Variants in UBR3 observed in about 807,000 individuals in gnomAD.
UBR3 encodes ubiquitin protein ligase E3 component n-recognin 3, also known as E3 ubiquitin-protein ligase UBR3.
UBR3 carries 85 observed loss-of-function variants against 243.2 expected under a neutral mutation model. That is an observed-to-expected ratio of 0.35 (90% CI 0.29 to 0.42). The LOEUF (loss-of-function observed/expected upper bound fraction) is 0.42. UBR3 is among the 10% of genes least tolerant of loss of function. The pLI, the probability that UBR3 is intolerant of heterozygous loss-of-function variation, is 1.00. For synonymous variants in UBR3, 748 were observed against 799.8 expected (o/e 0.94, Z 1.09); for missense variants, 1,686 against 2,300.8 (o/e 0.73, Z 5.47).
chr2:169,940,757 A>G (rs1487717763), intron 19 of UBR3, among the ~76,000 whole-genome samples: 1 of 152,104 alleles, frequency 6.6e-6, no homozygotes, highest in African/African-American at 2.4e-5. Flanking sequence ...TGAGGCTGCT[A>G]TTACAGTTGT....
At chr2:170,011,330 A>G (rs1189427829) in intron 29 of UBR3, among the ~76,000 whole-genome samples, 1 of 152,188 alleles carries the variant, frequency 6.6e-6, no homozygotes, top group Non-Finnish European at 1.5e-5. Context: ...AACATATAAC[A>G]TTCCTAAAAG....
intron 20 of UBR3, among the ~76,000 whole-genome samples, chr2:169,942,934 G>A (rs369772716): frequency 2.0e-5 from 3 of 152,176 alleles, no homozygotes; most frequent in Admixed American, 6.5e-5. Context: ...TGTGGAATGA[G>A]CTACAGGGAC....
intron 6 of UBR3, among the ~76,000 whole-genome samples, chr2:169,894,783 C>A (rs1370032582): frequency 6.6e-6 from 1 of 152,146 alleles, no homozygotes; most frequent in Non-Finnish European, 1.5e-5. Flanking sequence ...GATTTTGATG[C>A]GTGTGAGATA....
chr2:170,000,029 G>C (rs2089638248), intron 26 of UBR3, among the ~76,000 whole-genome samples: 1 of 152,082 alleles, frequency 6.6e-6, no homozygotes, highest in African/African-American at 2.4e-5. Flanking sequence ...GGAAGGCTGA[G>C]GCAGGAGAAT....
chr2:169,881,182 A>C (rs1286584458), intron 5 of UBR3, among the ~76,000 whole-genome samples: 1 of 151,630 alleles, frequency 6.6e-6, no homozygotes, highest in Non-Finnish European at 1.5e-5. Context: ...TTTATTTTTT[A>C]TTTATTTATT....
At chr2:170,069,164 A>G (rs140620693) in intron 35 of UBR3, among the ~76,000 whole-genome samples, 193 of 152,300 alleles carry the variant, frequency 1.3e-3, no homozygotes, top group Non-Finnish European at 2.1e-3. Flanking sequence ...TGAATGAGGC[A>G]TTATGAAAAA....
rs569851094 is a variant in UBR3, at chr2:169,863,586, C to G, written c.546-8650C>G. On this transcript the variant is annotated intron_variant, in intron 1 of 38. Coordinates refer to ENST00000272793, the MANE Select transcript of UBR3 (RefSeq NM_172070.4). The stretch of plus-strand genomic sequence containing the variant: ...GCTGCTAATGTGAATGTATTACTTC[C>G]TGCCTTATTTTTAATTTAGAGCTAT... 3.8e-4 allele frequency among the ~76,000 whole-genome samples: 58 copies of G among 152,244 alleles called. No individual in the cohort carries two copies. The South Asian group carries it at 6.2e-3, about 16-fold the overall frequency.
intron 8 of UBR3, among the ~76,000 whole-genome samples, chr2:169,904,541 T>G (rs2084945566): frequency 6.6e-6 from 1 of 152,164 alleles, no homozygotes; most frequent in Admixed American, 6.5e-5. Flanking sequence ...TTGAGGATTT[T>G]TTTTTCAAGG....
chr2:169,862,766 A>G (rs2083135280), intron 1 of UBR3, among the ~76,000 whole-genome samples: 1 of 152,128 alleles, frequency 6.6e-6, no homozygotes. Flanking sequence ...TTTATCCTAA[A>G]TATCTTTTGA....
At chr2:170,023,812 G>A (rs540362715) in intron 30 of UBR3, among the ~76,000 whole-genome samples, 17 of 152,090 alleles carry the variant, frequency 1.1e-4, no homozygotes, top group Non-Finnish European at 1.6e-4. Flanking sequence ...TCCTGAACTC[G>A]TGATCCACCC....
At chr2:169,878,430 C>A in intron 4 of UBR3, 95 bp from the exon 5 acceptor site, 1 of 1,232,296 alleles carries the variant, frequency 8.1e-7, no homozygotes, top group Non-Finnish European at 1.1e-6. Context: ...CGTAACAAAA[C>A]TTAGCTTTTT....
At chr2:169,890,553 A>ATATATATATGTGTGTATATATATATATG (rs2084309489) in intron 5 of UBR3, among the ~76,000 whole-genome samples, 1 of 96,416 alleles carries the variant, frequency 1.0e-5, no homozygotes, top group African/African-American at 5.3e-5. Flanking sequence ...ATATATATAT[A>ATATATATATGTGTGTATATATATATATG]TATATATATA....
intron 18 of UBR3, among the ~76,000 whole-genome samples, chr2:169,930,192 T>C (rs1258641978): frequency 6.6e-6 from 1 of 152,174 alleles, no homozygotes; most frequent in Non-Finnish European, 1.5e-5. Context: ...ACCTCCTATC[T>C]GCTATCATCA....
At chr2:170,038,641 A>G (rs2090889334) in intron 31 of UBR3, among the ~76,000 whole-genome samples, 1 of 152,308 alleles carries the variant, frequency 6.6e-6, no homozygotes, top group Non-Finnish European at 1.5e-5. Flanking sequence ...GGGGTGAGTG[A>G]GAGAAGATGG....
At chr2:169,943,339 A>G (rs2086662363) in intron 20 of UBR3, among the ~76,000 whole-genome samples, 1 of 152,214 alleles carries the variant, frequency 6.6e-6, no homozygotes, top group Non-Finnish European at 1.5e-5. Context: ...GCGGTGGCTC[A>G]CGCCTGTAAT....
intron 2 of UBR3, among the ~76,000 whole-genome samples, chr2:169,873,608 G>C (rs1003785932): frequency 6.6e-6 from 1 of 152,116 alleles, no homozygotes; most frequent in African/African-American, 2.4e-5. Flanking sequence ...AGGAGTTCAA[G>C]GCTGCAGTGA....
rs569880379 is a variant in UBR3 at position 170,046,111 on chromosome 2, C to T, written c.4660+5126C>T. Among the ~76,000 whole-genome samples, 23 of 152,010 alleles carry T rather than the reference C, an allele frequency of 1.5e-4. 1 individual carries two copies. The highest frequency in any genetic ancestry group is 2.6e-4 in the Non-Finnish European group (18 of 67,960). ...CTTCCCAAGTAGCTAGGATTACAGGCGCCTGCTACCACACCTGGCTAATTT... is the reference window on the plus strand; with the variant it reads ...CTTCCCAAGTAGCTAGGATTACAGGTGCCTGCTACCACACCTGGCTAATTT... On this transcript the variant is annotated intron_variant, in intron 32 of 38. Transcript: ENST00000272793.
chr2:170,032,942 T>C (rs1047857343), intron 31 of UBR3, among the ~76,000 whole-genome samples: 2 of 152,206 alleles, frequency 1.3e-5, no homozygotes, highest in African/African-American at 4.8e-5. Flanking sequence ...AACAAAACTT[T>C]GTGTGTGTAT....
intron 31 of UBR3, among the ~76,000 whole-genome samples, chr2:170,033,539 T>G (rs1431901830): frequency 6.8e-6 from 1 of 146,522 alleles, no homozygotes; most frequent in African/African-American, 2.5e-5. Context: ...TAGTACTAGA[T>G]CTTAGGAATT....
Sources: allele counts gnomAD v4.1 joint callset (sites outside exome capture counted in the v4.1 genomes callset), GRCh38; gene constraint gnomAD v4.1.1; transcripts MANE v1.5; gene names NCBI Gene and HGNC (gene_info 2026-07-23, HGNC 2026-07-21).